MTMR8: variants seen among roughly 807,000 people sequenced by gnomAD.
MTMR8 encodes the protein phosphatidylinositol-3,5-bisphosphate 3-phosphatase MTMR8.
Under a neutral mutation model 39.3 loss-of-function variants are expected in MTMR8, and 65 were observed. The ratio of observed to expected loss-of-function variants is 1.65; its 90% CI spans 1.35 to 2.03. The LOEUF (loss-of-function observed/expected upper bound fraction) is 2.03, where lower values mean the gene tolerates loss of function less well. Among genes scored for constraint, MTMR8 ranks in the 30% most tolerant of loss-of-function variants. The probability of loss-of-function intolerance (pLI) is 0.00; values close to 1 mark genes in which losing one functional copy is unlikely to be tolerated. For missense variants in MTMR8, 777 were observed against 538.9 expected, an observed-to-expected ratio of 1.44 and a Z score of -4.37; for synonymous variants, 245 against 185.2, an observed-to-expected ratio of 1.32 and a Z score of -2.62.
intron 12 of MTMR8, among the ~76,000 whole-genome samples, chrX:64,318,441 C>T (rs909512181): frequency 1.8e-5 from 2 of 110,831 alleles, no homozygotes; most frequent in Admixed American, 1.9e-4. Context: ...TTTTCTGTTC[C>T]CGTGTTATGT....
chrX:64,272,691 C>G (rs916113802), intron 12 of MTMR8, among the ~76,000 whole-genome samples: 1 of 110,319 alleles, frequency 9.1e-6, no homozygotes, highest in African/African-American at 3.3e-5. Flanking sequence ...GACCAAAACA[C>G]GATGAATCTA....
At chrX:64,341,317 A>T (rs1923209312) in intron 8 of MTMR8, among the ~76,000 whole-genome samples, 1 of 110,497 alleles carries the variant, frequency 9.1e-6, no homozygotes, top group African/African-American at 3.3e-5. Context: ...CGTCTCTGCT[A>T]AAAATACAAA....
At chrX:64,304,187 G>GA (rs1445805613) in intron 12 of MTMR8, among the ~76,000 whole-genome samples, 2 of 112,085 alleles carry the variant, frequency 1.8e-5, no homozygotes, top group Non-Finnish European at 3.8e-5. Flanking sequence ...GGGCGGGGAG[G>GA]AAAAGGGGTA....
chrX:64,268,176 A>C lies in MTMR8; in HGVS notation c.*361T>G. Reference sequence around the variant, plus strand: ...AGGGTCATTATTGACCATTGTGACAATATTTCCACTTCACTTTCACATTAC... The same window carrying C: ...AGGGTCATTATTGACCATTGTGACACTATTTCCACTTCACTTTCACATTAC... On this transcript the variant is annotated 3_prime_UTR_variant, in exon 14 of 14. Transcript: ENST00000374852. 1 of 192,007 alleles carries C rather than the reference A, an allele frequency of 5.2e-6. No individual in the cohort carries two copies. The highest frequency in any genetic ancestry group is 9.6e-6 in the Non-Finnish European group (1 of 104,423). 15.8% of individuals were successfully genotyped at this position (192,007 alleles called of 1,213,427 possible).
intron 5 of MTMR8, among the ~76,000 whole-genome samples, chrX:64,349,668 C>G (rs1923435815): frequency 9.0e-6 from 1 of 111,626 alleles, no homozygotes; most frequent in African/African-American, 3.3e-5. Context: ...TCACAACTTT[C>G]CACAAAGCTG....
At chrX:64,332,496 A>G (rs12560201) in intron 10 of MTMR8, among the ~76,000 whole-genome samples, 6,696 of 111,763 alleles carry the variant, frequency 0.06, 207 homozygotes, top group Non-Finnish European at 0.098. Flanking sequence ...CCATAATTCT[A>G]AAACAAAGCA....
intron 12 of MTMR8, among the ~76,000 whole-genome samples, chrX:64,302,469 A>T (rs1433484871): frequency 9.0e-6 from 1 of 111,318 alleles, no homozygotes. Context: ...ACTGTCTGGC[A>T]CTCCCTAGTG....
At chrX:64,290,629 G>A (rs1415661335) in intron 12 of MTMR8, among the ~76,000 whole-genome samples, 1 of 110,047 alleles carries the variant, frequency 9.1e-6, no homozygotes, top group African/African-American at 3.3e-5. Flanking sequence ...CCACCTCCTC[G>A]GAGTGTGGAC....
chrX:64,386,039 A>G (rs1924548115), intron 1 of MTMR8, among the ~76,000 whole-genome samples: 1 of 111,025 alleles, frequency 9.0e-6, no homozygotes, highest in African/African-American at 3.3e-5. Context: ...TGAAAACAGG[A>G]GACTCCAATC....
At chrX:64,295,928 T>G (rs1373551456) in intron 12 of MTMR8, among the ~76,000 whole-genome samples, 1 of 111,807 alleles carries the variant, frequency 8.9e-6, no homozygotes, top group Non-Finnish European at 1.9e-5. Context: ...AATATAAAAT[T>G]ACCATATGAT....
At chrX:64,373,063 T>G (rs542647754) in intron 1 of MTMR8, among the ~76,000 whole-genome samples, 2 of 111,924 alleles carry the variant, frequency 1.8e-5, no homozygotes, top group South Asian at 7.4e-4. Context: ...TGTTATCTCA[T>G]TTAATCCTCA....
At chrX:64,371,915 T>C (rs1379349693) in intron 1 of MTMR8, among the ~76,000 whole-genome samples, 1 of 109,682 alleles carries the variant, frequency 9.1e-6, no homozygotes, top group African/African-American at 3.3e-5. Context: ...TGAAATTTGG[T>C]GCCATTAAAA....
intron 12 of MTMR8, among the ~76,000 whole-genome samples, chrX:64,318,917 G>T (rs1054452432): frequency 4.5e-5 from 5 of 110,809 alleles, no homozygotes; most frequent in African/African-American, 1.6e-4. Context: ...CCAACCTCAG[G>T]TGATCCACCC....
intron 12 of MTMR8, among the ~76,000 whole-genome samples, chrX:64,324,122 G>C (rs750773736): frequency 1.8e-5 from 2 of 112,139 alleles, no homozygotes; most frequent in African/African-American, 3.2e-5. Context: ...CAGCACTTTT[G>C]GGGGGGCCAA....
intron 12 of MTMR8, among the ~76,000 whole-genome samples, chrX:64,299,435 T>C (rs1921756137): frequency 1.8e-5 from 2 of 108,383 alleles, no homozygotes; most frequent in African/African-American, 6.8e-5. Context: ...ATCCCCTTTA[T>C]CATTTTTTAT....
intron 12 of MTMR8, among the ~76,000 whole-genome samples, chrX:64,326,602 A>T (rs1440561845): frequency 9.0e-6 from 1 of 111,414 alleles, no homozygotes; most frequent in African/African-American, 3.3e-5. Context: ...TAATATTGTT[A>T]AAGTGTCTAC....
chrX:64,339,760 T>C (rs1923167484), intron 8 of MTMR8, among the ~76,000 whole-genome samples: 1 of 110,064 alleles, frequency 9.1e-6, no homozygotes, highest in Non-Finnish European at 1.9e-5. Context: ...TGAGTATCCT[T>C]ACACAGAAGA....
In MTMR8 at chrX:64,280,085, C is replaced by T. The variant is rs185008369; in HGVS notation, c.1482-9012G>A. ...CCTACCAACTAAAAAAAGCCCAGGA[C>T]CAGATGAATTCACAGCCAAATTCTG... On this transcript the variant is annotated intron_variant, in intron 12 of 13. Coordinates refer to ENST00000374852, the MANE Select transcript of MTMR8 (RefSeq NM_017677.4). Among the ~76,000 whole-genome samples the T allele has an allele frequency of 5.6e-3, 625 of 111,889 alleles. 4 individuals carry two copies. Among genetic ancestry groups the T allele is most frequent in the Middle Eastern group, 0.014 (3 of 214 alleles).
intron 12 of MTMR8, among the ~76,000 whole-genome samples, chrX:64,297,705 A>C (rs1313037239): frequency 9.5e-6 from 1 of 105,450 alleles, no homozygotes; most frequent in Non-Finnish European, 1.9e-5. Context: ...TAGGGTTTTT[A>C]TGGTTTTAGG....
Sources: allele counts gnomAD v4.1 joint callset (sites outside exome capture counted in the v4.1 genomes callset), GRCh38; gene constraint gnomAD v4.1.1; transcripts MANE v1.5; gene names NCBI Gene and HGNC (gene_info 2026-07-23, HGNC 2026-07-21).